The following IFT70A variants were observed in gnomAD, a reference collection of about 807,000 sequenced individuals.
IFT70A encodes the protein intraflagellar transport 70A.
chr2:177,616,766 C>G, the IFT70A span: 1 of 1,578,268 alleles, frequency 6.3e-7, no homozygotes. Flanking sequence ...TCATCTGTGA[C>G]TGTATTCTTC....
the IFT70A span, chr2:177,615,751 G>C: frequency 6.6e-6 from 1 of 152,068 alleles, no homozygotes; most frequent in Non-Finnish European, 1.5e-5. Context: ...AATTGTAAAG[G>C]CTTCTGATAG....
chr2:177,618,097 C>T, the IFT70A span: 16 of 1,614,214 alleles, frequency 9.9e-6, no homozygotes, highest in Admixed American at 1.8e-4. Context: ...GGCATACTGT[C>T]GGCTGCTGTA....
chr2:177,618,555 C>A, the IFT70A span: 1 of 1,596,596 alleles, frequency 6.3e-7, no homozygotes, highest in Non-Finnish European at 8.5e-7. Context: ...AGCCTAGCAG[C>A]GACAGGCCGG....
chr2:177,618,507 G>C, the IFT70A span: 1 of 1,585,954 alleles, frequency 6.3e-7, no homozygotes, highest in East Asian at 2.3e-5. Context: ...CATAGCACTC[G>C]GCCGCCAGCG....
At chr2:177,618,017 T>C in the IFT70A span, 9 of 1,614,058 alleles carry the variant, frequency 5.6e-6, no homozygotes, top group African/African-American at 6.7e-5. Context: ...TCGGTGGTCA[T>C]GCCCACACCT....
chr2:177,614,494 T>TA, the IFT70A span: 10 of 152,168 alleles, frequency 6.6e-5, no homozygotes, highest in African/African-American at 2.4e-4. Context: ...TGAGTCCTCT[T>TA]AAAATTTTTT....
the IFT70A span, chr2:177,613,784 A>G: frequency 1.3e-5 from 2 of 152,328 alleles, no homozygotes; most frequent in South Asian, 4.1e-4. Context: ...GTATAATTTT[A>G]GCCATTTGCT....
At chr2:177,613,574 C>T in the IFT70A span, 1 of 152,194 alleles carries the variant, frequency 6.6e-6, no homozygotes, top group African/African-American at 2.4e-5. Flanking sequence ...CAGTAATTTA[C>T]TGTTGAGACT....
chr2:177,613,489 CA>C, the IFT70A span: 1 of 152,168 alleles, frequency 6.6e-6, no homozygotes, highest in East Asian at 1.9e-4. Context: ...TTTCCATATA[CA>C]CTATAGTGTA....
At chr2:177,618,060 A>G in the IFT70A span, 1 of 1,614,158 alleles carries the variant, frequency 6.2e-7, no homozygotes, top group South Asian at 1.1e-5. Flanking sequence ...CACGCTCAAT[A>G]ATCTCAGCGA....
At chr2:177,615,902 A>T in the IFT70A span, 5 of 152,234 alleles carry the variant, frequency 3.3e-5, no homozygotes, top group Admixed American at 3.3e-4. Context: ...AAAAATTAAA[A>T]ATTTCAGTTT....
chr2:177,613,985 G>C, the IFT70A span: 78 of 152,180 alleles, frequency 5.1e-4, no homozygotes, highest in African/African-American at 1.7e-3. Flanking sequence ...GTACTTATAA[G>C]TCTCTATATT....
chr2:177,618,204 C>T, the IFT70A span: 5 of 1,614,254 alleles, frequency 3.1e-6, no homozygotes, highest in Non-Finnish European at 4.2e-6. Context: ...ACTGTCCCTC[C>T]TTGTAGAGCA....
chr2:177,617,623 T>A, the IFT70A span: 1 of 1,614,214 alleles, frequency 6.2e-7, no homozygotes, highest in Non-Finnish European at 8.5e-7. Context: ...ATCTAAGAAG[T>A]CATAGAGATA....
chr2:177,616,455 G>A, the IFT70A span: 1 of 327,702 alleles, frequency 3.1e-6, no homozygotes, highest in Middle Eastern at 8.1e-4. Flanking sequence ...TGTTACTCTA[G>A]CAATTGTTGC....
chr2:177,615,292 C>T, the IFT70A span: 1 of 152,186 alleles, frequency 6.6e-6, no homozygotes, highest in African/African-American at 2.4e-5. Context: ...TGTCAAACTA[C>T]TGAATGGAAC....
chr2:177,618,617 C>T, the IFT70A span: 3 of 1,608,988 alleles, frequency 1.9e-6, no homozygotes, highest in Non-Finnish European at 2.5e-6. Flanking sequence ...TGCACCGCCT[C>T]GGCGTAGCGG....
the IFT70A span, chr2:177,617,295 G>A: frequency 1.2e-5 from 19 of 1,580,768 alleles, no homozygotes; most frequent in Non-Finnish European, 1.6e-5. Context: ...TTTCCTGCAT[G>A]AACAGAACAT....
At chr2:177,617,975 A>C in the IFT70A span, 13 of 1,613,824 alleles carry the variant, frequency 8.1e-6, no homozygotes, top group African/African-American at 1.6e-4. Context: ...TGGAGAACTA[A>C]GGTGTTGCCA....
Sources: allele counts gnomAD v4.1 joint callset, GRCh38; gene constraint gnomAD v4.1.1; transcripts MANE v1.5; gene names NCBI Gene and HGNC (gene_info 2026-07-23, HGNC 2026-07-21).